The following GPM6A variants were observed in gnomAD, a reference collection of about 807,000 sequenced individuals.
The protein encoded by GPM6A is neuronal membrane glycoprotein M6-a.
GPM6A carries 7 observed loss-of-function variants against 32.1 expected under a neutral mutation model. The observed-to-expected ratio is 0.22, with a 90% confidence interval of 0.12 to 0.41. The LOEUF (loss-of-function observed/expected upper bound fraction) is 0.41, where lower values mean the gene tolerates loss of function less well. GPM6A is among the 10% of genes least tolerant of loss of function. The pLI is 1.00. For synonymous variants in GPM6A, 130 were observed against 123.4 expected, an observed-to-expected ratio of 1.05 and a Z score of -0.35; for missense variants, 235 against 347.2, an observed-to-expected ratio of 0.68 and a Z score of 2.57.
intron 1 of GPM6A, among the ~76,000 whole-genome samples, chr4:175,760,602 A>C (rs1425061123): frequency 6.6e-6 from 1 of 152,232 alleles, no homozygotes; most frequent in Non-Finnish European, 1.5e-5. Flanking sequence ...CAAGATTCCA[A>C]TGATGATTAT....
At chr4:175,681,999 C>T (rs1460106771) in intron 2 of GPM6A, among the ~76,000 whole-genome samples, 2 of 152,114 alleles carry the variant, frequency 1.3e-5, no homozygotes, top group African/African-American at 2.4e-5. Flanking sequence ...ATGAGGGAAA[C>T]TTTGGAACTT....
At chr4:175,661,615 C>A (rs2333255) in intron 3 of GPM6A, among the ~76,000 whole-genome samples, 51,952 of 151,858 alleles carry the variant, frequency 0.34, 10,945 homozygotes, top group Non-Finnish European at 0.48. Flanking sequence ...TTAAATCAGC[C>A]CCTCCATTGT....
intron 1 of GPM6A, among the ~76,000 whole-genome samples, chr4:175,799,885 G>A (rs1346133728): frequency 1.3e-5 from 2 of 151,996 alleles, no homozygotes; most frequent in Non-Finnish European, 2.9e-5. Flanking sequence ...CTTGTTAGCC[G>A]CAAGTGTTTT....
chr4:175,730,002 A>G (rs984846686), intron 1 of GPM6A, among the ~76,000 whole-genome samples: 13 of 150,352 alleles, frequency 8.6e-5, no homozygotes, highest in Non-Finnish European at 1.6e-4. Context: ...ATCCTTGTAC[A>G]GTCAGTCATG....
intron 2 of GPM6A, among the ~76,000 whole-genome samples, chr4:175,681,372 T>G (rs995309477): frequency 6.6e-6 from 1 of 152,220 alleles, no homozygotes; most frequent in African/African-American, 2.4e-5. Flanking sequence ...AATATGATTA[T>G]GGGCACTATA....
intron 1 of GPM6A, among the ~76,000 whole-genome samples, chr4:175,957,916 G>A (rs769534518): frequency 4.0e-5 from 6 of 151,892 alleles, no homozygotes; most frequent in African/African-American, 1.2e-4. Flanking sequence ...TTTTTGAGAC[G>A]GAGTCTCACT....
At chr4:175,982,253 T>C (rs1028004749) in intron 1 of GPM6A, among the ~76,000 whole-genome samples, 7 of 152,192 alleles carry the variant, frequency 4.6e-5, no homozygotes, top group Admixed American at 2.0e-4. Context: ...TCTTCCATTT[T>C]GATGGATATC....
intron 1 of GPM6A, among the ~76,000 whole-genome samples, chr4:175,852,748 A>AGAGGAAAG (rs1363399606): frequency 6.6e-6 from 1 of 152,202 alleles, no homozygotes; most frequent in Non-Finnish European, 1.5e-5. Flanking sequence ...TAAAATATAA[A>AGAGGAAAG]GAGGAAAGTC....
chr4:175,962,178 C>G (rs1740188281), intron 1 of GPM6A: 2 of 1,074,408 alleles, frequency 1.9e-6, no homozygotes, highest in Non-Finnish European at 2.9e-6. Context: ...GATCGAGCAC[C>G]TGCTTTCTTT....
At chr4:175,655,255 G>GA (rs1289331977) in intron 3 of GPM6A, among the ~76,000 whole-genome samples, 1 of 151,892 alleles carries the variant, frequency 6.6e-6, no homozygotes, top group Non-Finnish European at 1.5e-5. Flanking sequence ...TTCTAATTTT[G>GA]AATGTAAACT....
chr4:175,791,921 T>A (rs1160190882), intron 1 of GPM6A, among the ~76,000 whole-genome samples: 1 of 152,176 alleles, frequency 6.6e-6, no homozygotes, highest in Admixed American at 6.5e-5. Context: ...GCCTATTTTT[T>A]AAATCAAATT....
chr4:175,913,835 C>A (rs1478345478), intron 1 of GPM6A, among the ~76,000 whole-genome samples: 2 of 152,174 alleles, frequency 1.3e-5, no homozygotes, highest in Non-Finnish European at 2.9e-5. Flanking sequence ...CCTTCACCTG[C>A]TCTTCTTCCT....
intron 1 of GPM6A, among the ~76,000 whole-genome samples, chr4:175,909,238 AG>A (rs78560986): frequency 0.044 from 6,644 of 152,206 alleles, 393 homozygotes; most frequent in East Asian, 0.25. Context: ...TGACTGAAAA[AG>A]GCAAATTTAG....
At chr4:175,782,860 A>G (rs1733664998) in intron 1 of GPM6A, among the ~76,000 whole-genome samples, 1 of 152,062 alleles carries the variant, frequency 6.6e-6, no homozygotes, top group Admixed American at 6.6e-5. Context: ...TACTCTTTAT[A>G]TACCATCATT....
At chr4:175,877,757 T>G (rs1285248210) in intron 1 of GPM6A, among the ~76,000 whole-genome samples, 2 of 152,160 alleles carry the variant, frequency 1.3e-5, no homozygotes, top group Non-Finnish European at 2.9e-5. Context: ...CCAAATCTTA[T>G]GTCCTCACAT....
intron 2 of GPM6A, among the ~76,000 whole-genome samples, chr4:175,699,780 T>C (rs1193392052): frequency 6.6e-6 from 1 of 152,204 alleles, no homozygotes; most frequent in Non-Finnish European, 1.5e-5. Context: ...GCTTTGCTTT[T>C]ACTAAAAATT....
intron 1 of GPM6A, among the ~76,000 whole-genome samples, chr4:175,835,194 G>A (rs1735726668): frequency 6.6e-6 from 1 of 152,046 alleles, no homozygotes; most frequent in Admixed American, 6.6e-5. Flanking sequence ...GGACCCTATC[G>A]ATATATAAAC....
chr4:175,699,161 G>C (rs1351783075), intron 2 of GPM6A, among the ~76,000 whole-genome samples: 2 of 152,086 alleles, frequency 1.3e-5, no homozygotes, highest in African/African-American at 2.4e-5. Flanking sequence ...GGTAGGCTGA[G>C]ATAAATCTAG....
At chr4:175,974,645 A>G (rs1561018899) in intron 1 of GPM6A, among the ~76,000 whole-genome samples, 1 of 152,074 alleles carries the variant, frequency 6.6e-6, no homozygotes, top group African/African-American at 2.4e-5. Context: ...TAAGAATCCT[A>G]TTTATGTCTT....
Sources: allele counts gnomAD v4.1 joint callset (sites outside exome capture counted in the v4.1 genomes callset), GRCh38; gene constraint gnomAD v4.1.1; transcripts MANE v1.5; gene names NCBI Gene and HGNC (gene_info 2026-07-23, HGNC 2026-07-21).